The following ZNF804B variants were observed in gnomAD, a reference collection of about 807,000 sequenced individuals.
The protein encoded by ZNF804B is zinc finger 804B.
In ZNF804B, 80 loss-of-function variants were observed where a neutral mutation model predicts 101.4. The observed-to-expected ratio is 0.79, with a 90% CI of 0.66 to 0.95. ZNF804B has a LOEUF of 0.95. ZNF804B is among the 40% of genes least tolerant of loss of function. The probability of loss-of-function intolerance (pLI) is 0.00; values close to 1 mark genes in which losing one functional copy is unlikely to be tolerated. For synonymous variants in ZNF804B, 622 were observed against 558.8 expected (o/e 1.11, Z -1.59); for missense variants, 1,673 against 1,561.9 (o/e 1.07, Z -1.20).
At chr7:88,931,056 C>T (rs1302091291) in intron 1 of ZNF804B, among the ~76,000 whole-genome samples, 1 of 151,862 alleles carries the variant, frequency 6.6e-6, no homozygotes, top group Non-Finnish European at 1.5e-5. Context: ...TCTACTTTGT[C>T]ACTGGCTCAG....
chr7:89,161,339 C>G (rs1282469923), intron 1 of ZNF804B, among the ~76,000 whole-genome samples: 4 of 151,816 alleles, frequency 2.6e-5, no homozygotes, highest in African/African-American at 9.7e-5. Context: ...ATGAAGCCAA[C>G]AGAACATTAC....
intron 1 of ZNF804B, among the ~76,000 whole-genome samples, chr7:88,812,755 G>A (rs1331603137): frequency 6.6e-6 from 1 of 151,938 alleles, no homozygotes; most frequent in Non-Finnish European, 1.5e-5. Flanking sequence ...ACTACAACAC[G>A]AATGAACCTG....
chr7:88,957,934 G>GTA (rs750895272), intron 1 of ZNF804B, among the ~76,000 whole-genome samples: 81 of 150,996 alleles, frequency 5.4e-4, no homozygotes, highest in Middle Eastern at 6.8e-3. Context: ...GTGTGTGTGT[G>GTA]TATATATATA....
chr7:88,857,439 C>T (rs1392333149), intron 1 of ZNF804B, among the ~76,000 whole-genome samples: 2 of 151,936 alleles, frequency 1.3e-5, no homozygotes, highest in Non-Finnish European at 2.9e-5. Context: ...ATATCACCAC[C>T]GATCCCACAG....
intron 1 of ZNF804B, among the ~76,000 whole-genome samples, chr7:88,956,618 C>A (rs1793313786): frequency 6.6e-6 from 1 of 150,890 alleles, no homozygotes; most frequent in Non-Finnish European, 1.5e-5. Flanking sequence ...CTAAAGTAGT[C>A]TGAAAGCAGA....
intron 1 of ZNF804B, among the ~76,000 whole-genome samples, chr7:89,198,145 G>C (rs1788582926): frequency 2.0e-5 from 3 of 151,730 alleles, no homozygotes; most frequent in Non-Finnish European, 4.4e-5. Context: ...ATACTAGCTT[G>C]ATCAACTAAT....
chr7:88,850,585 C>T (rs1791437722), intron 1 of ZNF804B, among the ~76,000 whole-genome samples: 2 of 152,034 alleles, frequency 1.3e-5, no homozygotes, highest in South Asian at 4.1e-4. Context: ...ATCTTTGCCC[C>T]AGTGGGGCAA....
intron 1 of ZNF804B, among the ~76,000 whole-genome samples, chr7:88,997,323 C>T (rs55818926): frequency 0.029 from 4,351 of 152,174 alleles, 225 homozygotes; most frequent in African/African-American, 0.099. Flanking sequence ...CAAAAGTTTT[C>T]TAACTTAACA....
chr7:89,171,288 G>GCTGCTTCTGCTTCTT (rs1215246589), intron 1 of ZNF804B, among the ~76,000 whole-genome samples: 1 of 82,482 alleles, frequency 1.2e-5, no homozygotes, highest in African/African-American at 4.9e-5. Context: ...TGCTGCTGCT[G>GCTGCTTCTGCTTCTT]CTTCTTCTTC....
intron 2 of ZNF804B, among the ~76,000 whole-genome samples, chr7:89,243,866 A>G (rs760666483): frequency 3.4e-4 from 52 of 151,926 alleles, no homozygotes; most frequent in Non-Finnish European, 8.8e-5. Flanking sequence ...TAAACCAAGG[A>G]TCAATGCTTC....
At chr7:88,893,456 C>G (rs1182740501) in intron 1 of ZNF804B, among the ~76,000 whole-genome samples, 2 of 151,258 alleles carry the variant, frequency 1.3e-5, no homozygotes, top group Non-Finnish European at 3.0e-5. Context: ...AAATACATAC[C>G]CTGCCTGTCT....
chr7:88,793,057 A>C (rs776140867), intron 1 of ZNF804B, among the ~76,000 whole-genome samples: 1 of 151,924 alleles, frequency 6.6e-6, no homozygotes, highest in African/African-American at 2.4e-5. Context: ...AAAAAAAAAT[A>C]ATAAAAAATA....
At chr7:89,100,078 A>G (rs537138671) in intron 1 of ZNF804B, among the ~76,000 whole-genome samples, 1 of 152,308 alleles carries the variant, frequency 6.6e-6, no homozygotes, top group Non-Finnish European at 1.5e-5. Flanking sequence ...TTTTATTGAC[A>G]GTTTTTCCCT....
intron 1 of ZNF804B, among the ~76,000 whole-genome samples, chr7:89,090,988 GAA>G (rs1273961837): frequency 1.3e-5 from 2 of 152,132 alleles, no homozygotes; most frequent in African/African-American, 4.8e-5. Flanking sequence ...ACATTTTGAG[GAA>G]AGTTTGGACG....
chr7:88,848,084 C>T (rs925029803), intron 1 of ZNF804B, among the ~76,000 whole-genome samples: 8 of 152,206 alleles, frequency 5.3e-5, no homozygotes, highest in African/African-American at 1.9e-4. Flanking sequence ...TTTTGGCTTT[C>T]ACAAAGGGAG....
chr7:88,784,266 C>T (rs974604744), intron 1 of ZNF804B, among the ~76,000 whole-genome samples: 3 of 152,144 alleles, frequency 2.0e-5, no homozygotes, highest in Non-Finnish European at 2.9e-5. Context: ...AAGGCTTGAG[C>T]TGTAACATTA....
At chr7:89,007,444 TTTTATATATATATATATA>T (rs1165583129) in intron 1 of ZNF804B, among the ~76,000 whole-genome samples, 2 of 47,712 alleles carry the variant, frequency 4.2e-5, no homozygotes, top group African/African-American at 2.0e-4. Context: ...TTATCCATGA[TTTTATATATATATATATA>T]TATATATATA....
intron 1 of ZNF804B, among the ~76,000 whole-genome samples, chr7:88,840,452 A>G (rs1562808380): frequency 6.6e-6 from 1 of 152,262 alleles, no homozygotes; most frequent in Non-Finnish European, 1.5e-5. Flanking sequence ...TAAAATAAGA[A>G]TGCCATGAAT....
intron 1 of ZNF804B, among the ~76,000 whole-genome samples, chr7:88,888,972 C>T (rs1420370542): frequency 6.6e-6 from 1 of 152,144 alleles, no homozygotes; most frequent in Non-Finnish European, 1.5e-5. Flanking sequence ...TCCCCAGTGT[C>T]TGTTGTTCCC....
Sources: gnomAD v4.1 joint callset for allele counts (sites outside exome capture counted in the v4.1 genomes callset) on GRCh38, gnomAD v4.1.1 for gene constraint, MANE v1.5 for transcripts, NCBI Gene and HGNC (gene_info 2026-07-23, HGNC 2026-07-21) for gene names.